The following FSTL4 variants were observed in gnomAD, a reference collection of about 807,000 sequenced individuals.
FSTL4 encodes the protein follistatin-related protein 4.
FSTL4 carries 28 observed loss-of-function variants against 78.2 expected under a neutral mutation model. That is an observed-to-expected ratio of 0.36 (90% CI 0.27 to 0.49). The LOEUF is 0.49. Among genes scored for constraint, FSTL4 ranks in the 20% least tolerant of loss-of-function variants. The pLI is 0.98. For synonymous variants in FSTL4, 422 were observed against 440.5 expected (o/e 0.96, Z 0.53); for missense variants, 922 against 1,084.9 (o/e 0.85, Z 2.11).
the FSTL4 span, among the ~76,000 whole-genome samples, chr5:133,770,653 TC>T: frequency 3.3e-5 from 5 of 152,198 alleles, no homozygotes; most frequent in Non-Finnish European, 5.9e-5. Flanking sequence ...AAATATTGTT[TC>T]CCATTCTACA....
At chr5:133,258,353 G>A (rs1203857208) in intron 6 of FSTL4, among the ~76,000 whole-genome samples, 2 of 152,194 alleles carry the variant, frequency 1.3e-5, no homozygotes, top group Admixed American at 6.5e-5. Flanking sequence ...TCAGTAGACT[G>A]AGTAGAGAAG....
chr5:133,619,528 C>T, the FSTL4 span, among the ~76,000 whole-genome samples: 3 of 152,146 alleles, frequency 2.0e-5, no homozygotes, highest in Non-Finnish European at 4.4e-5. Context: ...GGGCATCATC[C>T]CCACTTTCCA....
At chr5:133,393,164 C>T (rs1002029204) in intron 4 of FSTL4, among the ~76,000 whole-genome samples, 5 of 150,862 alleles carry the variant, frequency 3.3e-5, no homozygotes, top group Admixed American at 1.3e-4. Flanking sequence ...CAGTGAAGTC[C>T]TAGTTGTTTT....
At chr5:133,841,925 G>A in the FSTL4 span, among the ~76,000 whole-genome samples, 1 of 152,212 alleles carries the variant, frequency 6.6e-6, no homozygotes, top group South Asian at 2.1e-4. Context: ...GCACCACGGG[G>A]AAGCAGCAAA....
chr5:133,243,924 A>G (rs1427736596), intron 7 of FSTL4: 1 of 152,272 alleles, frequency 6.6e-6, no homozygotes, highest in African/African-American at 2.4e-5. Context: ...TTGAGGCAGG[A>G]TGTGCCGACT....
At chr5:133,250,632 G>T (rs1004446438) in intron 6 of FSTL4, among the ~76,000 whole-genome samples, 1 of 152,286 alleles carries the variant, frequency 6.6e-6, no homozygotes, top group African/African-American at 2.4e-5. Context: ...CTTGTGAGCT[G>T]TGACCAGGCA....
intron 7 of FSTL4, among the ~76,000 whole-genome samples, chr5:133,240,205 G>A (rs1369049395): frequency 2.0e-5 from 3 of 152,110 alleles, no homozygotes; most frequent in Non-Finnish European, 4.4e-5. Context: ...ACAAACTCTG[G>A]ACACGCTGCC....
intron 6 of FSTL4, among the ~76,000 whole-genome samples, chr5:133,250,981 C>T (rs1164840368): frequency 2.7e-5 from 4 of 149,372 alleles, no homozygotes; most frequent in Admixed American, 6.6e-5. Context: ...ATGTGACTAA[C>T]GGTGAAGGAA....
intron 3 of FSTL4, among the ~76,000 whole-genome samples, chr5:133,508,183 GA>G (rs1758650546): frequency 6.6e-6 from 1 of 152,200 alleles, no homozygotes; most frequent in Admixed American, 6.5e-5. Flanking sequence ...TCAAAGTGAT[GA>G]AAATTAAATT....
the FSTL4 span, among the ~76,000 whole-genome samples, chr5:133,779,453 G>T: frequency 6.6e-6 from 1 of 152,140 alleles, no homozygotes; most frequent in African/African-American, 2.4e-5. Context: ...AGGTGTGGTG[G>T]CGGGCACCTG....
chr5:133,381,986 T>G (rs1207583088), intron 4 of FSTL4, among the ~76,000 whole-genome samples: 1 of 152,208 alleles, frequency 6.6e-6, no homozygotes, highest in Non-Finnish European at 1.5e-5. Flanking sequence ...TTTAAGTGAA[T>G]GTGTGTCAAT....
In FSTL4 at chr5:133,426,125, C is replaced by T. The variant is rs1240102314; in HGVS notation, c.161-25139G>A. Among the ~76,000 whole-genome samples the T allele has an allele frequency of 6.6e-6, 1 of 152,324 alleles. No homozygotes were observed. The highest frequency in any genetic ancestry group is 1.9e-4 in the East Asian group (1 of 5,180). On this transcript the variant is annotated intron_variant, in intron 3 of 15. Coordinates refer to ENST00000265342, the MANE Select transcript of FSTL4 (RefSeq NM_015082.2). The surrounding 1 kb of genome is among the most constrained non-coding windows in gnomAD (Gnocchi z 5.0). ...TTCACCTTCCTCATTGCCCCAACAT[C>T]CCTGAGAGTGTGCCTTTGATCTCAA...
intron 3 of FSTL4, among the ~76,000 whole-genome samples, chr5:133,419,964 T>C (rs543238234): frequency 1.2e-4 from 19 of 152,370 alleles, no homozygotes; most frequent in African/African-American, 3.4e-4. Context: ...AAAATATTTA[T>C]GGAAGTTTTA....
chr5:133,699,014 G>A, the FSTL4 span, among the ~76,000 whole-genome samples: 1 of 152,208 alleles, frequency 6.6e-6, no homozygotes, highest in Admixed American at 6.5e-5. Flanking sequence ...AATGCCTTGA[G>A]GGACAGCATC....
chr5:133,615,900 G>A (rs1454656622), upstream of FSTL4, among the ~76,000 whole-genome samples: 2 of 152,174 alleles, frequency 1.3e-5, no homozygotes, highest in Non-Finnish European at 2.9e-5. Context: ...TGGGATAAAT[G>A]AGAAGATGCA....
the FSTL4 span, among the ~76,000 whole-genome samples, chr5:133,712,893 G>A: frequency 2.0e-5 from 3 of 152,190 alleles, no homozygotes; most frequent in African/African-American, 7.2e-5. Context: ...GGCCGTGTGT[G>A]ATTCTTGTAG....
chr5:133,636,382 C>A, the FSTL4 span, among the ~76,000 whole-genome samples: 10 of 152,124 alleles, frequency 6.6e-5, no homozygotes, highest in Admixed American at 2.6e-4. Context: ...GGAAGCCCAG[C>A]CTGTGGGCTC....
chr5:133,511,825 C>T (rs1758740954), intron 3 of FSTL4, among the ~76,000 whole-genome samples: 1 of 152,142 alleles, frequency 6.6e-6, no homozygotes, highest in South Asian at 2.1e-4. Flanking sequence ...GGGATGCAGC[C>T]AGCTGACATG....
At chr5:133,572,625 A>T (rs985677547) in intron 2 of FSTL4, among the ~76,000 whole-genome samples, 30 of 152,218 alleles carry the variant, frequency 2.0e-4, no homozygotes, top group Non-Finnish European at 3.4e-4. Flanking sequence ...AACAAGCATT[A>T]AAAAAACCAT....
Sources: gnomAD v4.1 joint callset for allele counts (sites outside exome capture counted in the v4.1 genomes callset) on GRCh38, gnomAD v4.1.1 for gene constraint, Gnocchi (gnomAD v3.1) non-coding constraint, MANE v1.5 for transcripts, NCBI Gene and HGNC (gene_info 2026-07-23, HGNC 2026-07-21) for gene names.